PPFIA1: variants seen among roughly 807,000 people sequenced by gnomAD.
The protein encoded by PPFIA1 is liprin-alpha-1.
A neutral mutation model predicts 149.9 loss-of-function variants in PPFIA1; 25 were observed. That is an observed-to-expected ratio of 0.17 (90% confidence interval 0.12 to 0.23). PPFIA1 has a LOEUF of 0.23. Ranked by LOEUF, PPFIA1 falls within the 10% of genes least tolerant of loss-of-function variation. The pLI, the probability that PPFIA1 is intolerant of heterozygous loss-of-function variation, is 1.00. For missense variants in PPFIA1, 1,362 were observed against 1,506.5 expected (o/e 0.90, Z 1.59); for synonymous variants, 549 against 552.8 (o/e 0.99, Z 0.10).
At chr11:70,279,237 TG>T in intron 2 of PPFIA1, 4 of 338,910 alleles carry the variant, frequency 1.2e-5, no homozygotes, top group Non-Finnish European at 1.7e-5. Flanking sequence ...GGCTCTCTTG[TG>T]AGTGGGAAGC....
At chr11:70,349,913 A>G (rs775859086) in intron 16 of PPFIA1, 1 of 455,384 alleles carries the variant, frequency 2.2e-6, no homozygotes, top group South Asian at 1.6e-5. Context: ...CTTTTGTTTT[A>G]TTATTTTAGC....
intron 21 of PPFIA1, 175 bp from the exon 22 acceptor site, chr11:70,372,040 A>C (rs2057292685): frequency 6.3e-6 from 3 of 474,760 alleles, no homozygotes; most frequent in Admixed American, 3.9e-5. Context: ...TTGTATAAAA[A>C]TTTTACTAAC....
At chr11:70,298,353 C>A (rs2052232435) in intron 2 of PPFIA1, among the ~76,000 whole-genome samples, 1 of 152,118 alleles carries the variant, frequency 6.6e-6, no homozygotes. Context: ...AATCTACATT[C>A]CAAGGTTGTT....
chr11:70,295,272 G>A (rs1388980317), intron 2 of PPFIA1, among the ~76,000 whole-genome samples: 1 of 131,834 alleles, frequency 7.6e-6, no homozygotes, highest in Non-Finnish European at 1.6e-5. Context: ...GTGGCTGGCC[G>A]GGCGAGGGGC....
At position 70,272,356 on chromosome 11, in the gene PPFIA1, G is replaced by A. The variant is rs1273933532; in HGVS notation, c.184G>A (p.Ala62Thr). ...ACTGAGAGAGACTCAAGAAACGCTG[G>A]CCTTAACCCAGGGGAAGTTACACGA... ...DTLRETQETL[A>T]LTQGKLHEVG... Residue 62 changes from alanine (A) to threonine (T), a missense_variant, in exon 2 of 28, where the codon GCC (alanine) becomes ACC (threonine). By Grantham distance (58) the Ala-to-Thr change is moderately conservative. This residue lies in a region of PPFIA1 where 100 missense variants were observed against 106.2 expected (regional missense o/e 0.94). Transcript: ENST00000253925. 1 of 1,614,180 alleles carries A rather than the reference G, an allele frequency of 6.2e-7. No individual in the cohort carries two copies. Among genetic ancestry groups the A allele is most frequent in the South Asian group, 1.1e-5 (1 of 91,078 alleles).
chr11:70,308,703 G>A (rs1193257998), intron 2 of PPFIA1, among the ~76,000 whole-genome samples: 2 of 152,096 alleles, frequency 1.3e-5, no homozygotes, highest in Admixed American at 1.3e-4. Context: ...AGGTCAAGGT[G>A]GGAGGTTTGC....
chr11:70,325,686 C>G, intron 5 of PPFIA1, 112 bp downstream of exon 5: 2 of 792,780 alleles, frequency 2.5e-6, no homozygotes, highest in Non-Finnish European at 4.1e-6. Context: ...CATCCCAGCA[C>G]TTTGGGAGAC....
intron 9 of PPFIA1, among the ~76,000 whole-genome samples, chr11:70,332,449 A>G (rs2054723756): frequency 6.6e-6 from 1 of 152,212 alleles, no homozygotes; most frequent in African/African-American, 2.4e-5. Flanking sequence ...GTTCTTTTAA[A>G]AACACCATCA....
rs749088584 is a variant in PPFIA1, at chr11:70,355,693, C to T, written c.2370C>T (p.Ser790=). 1.2e-6 allele frequency: 2 copies of T among 1,614,048 alleles called. No individual in the cohort carries two copies. Among genetic ancestry groups the T allele is most frequent in the East Asian group, 2.2e-5 (1 of 44,878 alleles). Residue 790 remains serine (S), a synonymous_variant, in exon 18 of 28, where the codon AGC becomes AGT. Transcript: ENST00000253925. The part of the protein sequence containing the change: ...PVSNPSSSNS[S]QDSLHKAPKK... The stretch of plus-strand genomic sequence containing the variant: ...GCAACCCCAGCAGTAGCAACAGTAG[C>T]CAGGACTCGCTCCACAAAGCCCCAA...
intron 15 of PPFIA1, among the ~76,000 whole-genome samples, chr11:70,345,680 A>C (rs2055646378): frequency 6.6e-6 from 1 of 152,078 alleles, no homozygotes; most frequent in African/African-American, 2.4e-5. Flanking sequence ...AAAAAAAATG[A>C]GCCAGGTATG....
chr11:70,292,969 C>T (rs372342785), intron 2 of PPFIA1, among the ~76,000 whole-genome samples: 1 of 152,194 alleles, frequency 6.6e-6, no homozygotes, highest in Non-Finnish European at 1.5e-5. Flanking sequence ...GCACCTACTC[C>T]ACCTTTGAGC....
At chr11:70,337,704 A>G (rs1404774150) in intron 12 of PPFIA1, among the ~76,000 whole-genome samples, 1 of 152,248 alleles carries the variant, frequency 6.6e-6, no homozygotes, top group African/African-American at 2.4e-5. Flanking sequence ...TCCAACAGAA[A>G]TATAATATGA....
At chr11:70,330,123 G>A in intron 7 of PPFIA1, 50 bp from the exon 8 acceptor site, 2 of 1,482,236 alleles carry the variant, frequency 1.3e-6, no homozygotes, top group East Asian at 2.3e-5. Flanking sequence ...ATCTTAATGT[G>A]TAATCGTTAA....
At chr11:70,338,551 A>T (rs2055118629) in intron 13 of PPFIA1, 98 bp downstream of exon 13, 3 of 934,726 alleles carry the variant, frequency 3.2e-6, no homozygotes, top group African/African-American at 1.6e-5. Context: ...TAATGGTGTG[A>T]CCTCAAGGAG....
chr11:70,306,105 CA>C, intron 2 of PPFIA1, among the ~76,000 whole-genome samples: 1 of 152,278 alleles, frequency 6.6e-6, no homozygotes, highest in East Asian at 1.9e-4. Flanking sequence ...CCTTTTGGGG[CA>C]AACTGGTGCA....
At chr11:70,315,034 T>C (rs2053515773) in intron 2 of PPFIA1, among the ~76,000 whole-genome samples, 1 of 152,146 alleles carries the variant, frequency 6.6e-6, no homozygotes. Flanking sequence ...TCACTCACTA[T>C]CACGAGAACG....
intron 16 of PPFIA1, 121 bp from the exon 17 acceptor site, chr11:70,354,180 A>C: frequency 9.4e-7 from 1 of 1,059,978 alleles, no homozygotes. Flanking sequence ...CTGAAACAAG[A>C]CTTTCTGTGC....
chr11:70,313,285 G>C (rs907242864), intron 2 of PPFIA1, among the ~76,000 whole-genome samples: 1 of 152,196 alleles, frequency 6.6e-6, no homozygotes, highest in African/African-American at 2.4e-5. Context: ...ATGTCTGGCA[G>C]ATAATGCAAC....
In PPFIA1 at chr11:70,376,808, G is replaced by A. The variant is rs190207129; in HGVS notation, c.3384+208G>A. On this transcript the variant is annotated intron_variant, in intron 25 of 27. Coordinates refer to ENST00000253925, the MANE Select transcript of PPFIA1 (RefSeq NM_003626.5). ...ATACCTGGGCCGGGCACGGCGGCTC[G>A]CACCTGTAATCCCAGCACTTTCGGA... Among the ~76,000 whole-genome samples the A allele has an allele frequency of 3.8e-3, 582 of 152,258 alleles. 2 individuals are homozygous for A. The highest frequency in any genetic ancestry group is 4.6e-3 in the East Asian group (24 of 5,174).
Sources: gnomAD v4.1 joint callset for allele counts (sites outside exome capture counted in the v4.1 genomes callset) on GRCh38, gnomAD v4.1.1 for gene constraint, gnomAD v4.1.1 regional missense constraint, MANE v1.5 for transcripts, NCBI Gene and HGNC (gene_info 2026-07-23, HGNC 2026-07-21) for gene names.